The following RGS17 variants were observed in gnomAD, a reference collection of about 807,000 sequenced individuals.
The protein encoded by RGS17 is regulator of G protein signaling 17.
A neutral mutation model predicts 25.5 loss-of-function variants in RGS17; 12 were observed. The observed-to-expected ratio is 0.47, with a 90% CI of 0.30 to 0.76. RGS17 has a LOEUF of 0.76. Ranked by LOEUF, RGS17 falls within the 30% of genes least tolerant of loss-of-function variation. The pLI is 0.07. For missense variants in RGS17, 196 were observed against 242.2 expected, an observed-to-expected ratio of 0.81 and a Z score of 1.27; for synonymous variants, 71 against 76.9, an observed-to-expected ratio of 0.92 and a Z score of 0.40.
intron 1 of RGS17, among the ~76,000 whole-genome samples, chr6:153,085,202 TTTC>T (rs1777036579): frequency 6.6e-6 from 1 of 152,226 alleles, no homozygotes; most frequent in Non-Finnish European, 1.5e-5. Flanking sequence ...TGATATTTAA[TTTC>T]CATGATTGAC....
chr6:153,084,277 A>T (rs1377046088), intron 1 of RGS17, among the ~76,000 whole-genome samples: 1 of 152,190 alleles, frequency 6.6e-6, no homozygotes, highest in East Asian at 1.9e-4. Flanking sequence ...TCAGTTATAG[A>T]GCCTGTCTTC....
chr6:153,065,105 T>A (rs1776688826), intron 1 of RGS17, among the ~76,000 whole-genome samples: 1 of 152,060 alleles, frequency 6.6e-6, no homozygotes, highest in African/African-American at 2.4e-5. Flanking sequence ...AGGGATGGAA[T>A]AAGGTATTCC....
At chr6:153,125,141 C>T (rs1413218135) in intron 1 of RGS17, among the ~76,000 whole-genome samples, 2 of 152,116 alleles carry the variant, frequency 1.3e-5, no homozygotes, top group East Asian at 3.9e-4. Context: ...TACTGTAATG[C>T]CATGGCTCTT....
rs201514954 is a variant in RGS17 at position 153,060,666 on chromosome 6, GA to G, written c.-25-16624del. 6.7e-5 allele frequency among the ~76,000 whole-genome samples: 10 copies of G among 149,476 alleles called. No homozygotes were observed. The East Asian group carries it at 1.7e-3, about 26-fold the overall frequency. ...CCATTGTTCTATTTTGCTCAGAGAG[GA>G]AAAAAATAATCTAATCAGGAGAAAT... On this transcript the variant is annotated intron_variant, in intron 1 of 4. Coordinates refer to ENST00000206262, the MANE Select transcript of RGS17 (RefSeq NM_012419.5).
At chr6:153,020,076 G>T (rs1779223829) in intron 4 of RGS17, among the ~76,000 whole-genome samples, 3 of 109,738 alleles carry the variant, frequency 2.7e-5, no homozygotes, top group Admixed American at 1.1e-4. Flanking sequence ...CAGAAGTTAT[G>T]TCACCTCCTA....
chr6:153,029,661 G>A lies in RGS17; in HGVS notation c.120-3118C>T, dbSNP rs1003434480. Reference sequence around the variant, plus strand: ...GCTGGAGTGCAATGGCATGATCTCAGCTCACTGCAAGCTCCGCCTCCCGGG... The same window carrying A: ...GCTGGAGTGCAATGGCATGATCTCAACTCACTGCAAGCTCCGCCTCCCGGG... On this transcript the variant is annotated intron_variant, in intron 2 of 4. Coordinates refer to ENST00000206262, the MANE Select transcript of RGS17 (RefSeq NM_012419.5). 1.1e-4 allele frequency among the ~76,000 whole-genome samples: 17 copies of A among 151,380 alleles called. No individual in the cohort carries two copies. The East Asian group carries it at 2.9e-3, about 26-fold the overall frequency.
chr6:153,082,886 C>A (rs531781044), intron 1 of RGS17, among the ~76,000 whole-genome samples: 1 of 152,226 alleles, frequency 6.6e-6, no homozygotes, highest in African/African-American at 2.4e-5. Flanking sequence ...GAGTAGCCAT[C>A]ATTCCAGGGC....
In RGS17 at chr6:153,065,506, T is replaced by C. The variant is rs145126433; in HGVS notation, c.-25-21463A>G. 5.7e-3 allele frequency among the ~76,000 whole-genome samples: 867 copies of C among 152,298 alleles called. 7 individuals carry two copies. The highest frequency in any genetic ancestry group is 0.027 in the South Asian group (132 of 4,824). On this transcript the variant is annotated intron_variant, in intron 1 of 4. Coordinates refer to ENST00000206262, the MANE Select transcript of RGS17 (RefSeq NM_012419.5). Reference sequence around the variant, plus strand: ...ACTCTTTTCCTCAGCACATGGATCATTCTCAAGGATAGATCACATGTTAGG... The same window carrying C: ...ACTCTTTTCCTCAGCACATGGATCACTCTCAAGGATAGATCACATGTTAGG...
chr6:153,022,788 AG>A (rs1283166972), intron 4 of RGS17, among the ~76,000 whole-genome samples: 2 of 152,248 alleles, frequency 1.3e-5, no homozygotes, highest in African/African-American at 4.8e-5. Flanking sequence ...AATTCGAGGC[AG>A]GCTAAAAGCC....
chr6:153,083,897 A>G (rs1777017373), intron 1 of RGS17, among the ~76,000 whole-genome samples: 1 of 152,222 alleles, frequency 6.6e-6, no homozygotes, highest in Non-Finnish European at 1.5e-5. Flanking sequence ...TTTTGAAGAC[A>G]TACACACACC....
chr6:153,111,252 G>C (rs926898808), intron 1 of RGS17, among the ~76,000 whole-genome samples: 1 of 152,144 alleles, frequency 6.6e-6, no homozygotes, highest in African/African-American at 2.4e-5. Flanking sequence ...GAGCTTAGTC[G>C]GGGGAGGGGC....
chr6:153,063,903 G>C (rs571522143), intron 1 of RGS17, among the ~76,000 whole-genome samples: 30 of 152,242 alleles, frequency 2.0e-4, no homozygotes, highest in African/African-American at 7.2e-4. Flanking sequence ...AGACTTTTCA[G>C]TGGAAATGTT....
At chr6:153,116,326 T>C (rs543880485) in intron 1 of RGS17, among the ~76,000 whole-genome samples, 2 of 152,168 alleles carry the variant, frequency 1.3e-5, no homozygotes, top group Non-Finnish European at 1.5e-5. Context: ...GAAAAAAAGC[T>C]CATCATCACT....
intron 1 of RGS17, among the ~76,000 whole-genome samples, chr6:153,100,062 C>T (rs1403091780): frequency 6.6e-6 from 1 of 152,058 alleles, no homozygotes; most frequent in African/African-American, 2.4e-5. Flanking sequence ...AATAATTTTT[C>T]CTAAGAAATT....
chr6:153,021,541 A>G (rs1302994739), intron 4 of RGS17, among the ~76,000 whole-genome samples: 1 of 152,228 alleles, frequency 6.6e-6, no homozygotes, highest in Admixed American at 6.5e-5. Flanking sequence ...ATAACTGAAA[A>G]TATCTACTTT....
chr6:153,110,753 G>T (rs957512769), intron 1 of RGS17, among the ~76,000 whole-genome samples: 1 of 152,136 alleles, frequency 6.6e-6, no homozygotes, highest in Non-Finnish European at 1.5e-5. Context: ...ATCTCATTGC[G>T]ACTGCTTAGA....
chr6:153,027,634 A>G (rs1016872636), intron 2 of RGS17, among the ~76,000 whole-genome samples: 2 of 152,146 alleles, frequency 1.3e-5, no homozygotes, highest in Admixed American at 6.6e-5. Flanking sequence ...TTTTACCATT[A>G]ATATTATTAT....
At chr6:153,062,627 C>T (rs968145853) in intron 1 of RGS17, among the ~76,000 whole-genome samples, 8 of 152,080 alleles carry the variant, frequency 5.3e-5, no homozygotes, top group South Asian at 2.1e-4. Flanking sequence ...CTCAGGGGCA[C>T]GTGACCTATC....
rs936963957 is a variant in RGS17, at chr6:153,007,963, T to C, written c.*3611A>G. ...GATTGTATTTTAAATTCCTTCTCTT[T>C]TACATTTCAACACCAAAGCATCTAA... On this transcript the variant is annotated 3_prime_UTR_variant, in exon 5 of 5. Coordinates refer to ENST00000206262, the MANE Select transcript of RGS17 (RefSeq NM_012419.5). The C allele has an allele frequency of 6.6e-6, 1 of 152,192 alleles. No homozygotes were observed. The highest frequency in any genetic ancestry group is 1.5e-5 in the Non-Finnish European group (1 of 68,028). 9.4% of individuals were successfully genotyped at this position (152,192 alleles called of 1,614,324 possible).
Sources: allele counts gnomAD v4.1 joint callset (sites outside exome capture counted in the v4.1 genomes callset), GRCh38; gene constraint gnomAD v4.1.1; transcripts MANE v1.5; gene names NCBI Gene and HGNC (gene_info 2026-07-23, HGNC 2026-07-21).